The following NID2 variants were observed in gnomAD, a reference collection of about 807,000 sequenced individuals.
NID2 encodes nidogen 2.
NID2 carries 83 observed loss-of-function variants against 145.4 expected under a neutral mutation model. That is an observed-to-expected ratio of 0.57 (90% confidence interval 0.48 to 0.69). NID2 has a LOEUF of 0.69. Among genes scored for constraint, NID2 ranks in the 30% least tolerant of loss-of-function variants. NID2 has a pLI of 0.00. For synonymous variants in NID2, 739 were observed against 701.3 expected, an observed-to-expected ratio of 1.05 and a Z score of -0.85; for missense variants, 1,807 against 1,765.7, an observed-to-expected ratio of 1.02 and a Z score of -0.42.
chr14:52,039,079 G>T, intron 8 of NID2, 102 bp from the exon 9 acceptor site: 1 of 843,298 alleles, frequency 1.2e-6, no homozygotes, highest in Non-Finnish European at 1.8e-6. Flanking sequence ...CTTGGAGTGT[G>T]TTCCCTTGGG....
chr14:52,068,846 T>A lies in NID2; in HGVS notation c.149A>T (p.Glu50Val). 6.2e-7 allele frequency: 1 copy of A among 1,613,346 alleles called. No individual in the cohort carries two copies. The change falls in exon 1 of 22, where the codon GAA (glutamate) becomes GTA (valine). Residue 50 changes from glutamate to valine, a missense_variant. By Grantham distance (121) the Glu-to-Val change is moderately radical. Transcript: ENST00000216286. ...CACGGCTGAGCTTTCGTCGTCGCCT[T>A]CCTGCAGGAGCTGGTCCCCCCACGA... The part of the protein sequence containing the change: ...GESWGDQLLQ[E>V]GDDESSAVVK...
chr14:52,008,202 C>T, intron 18 of NID2: 1 of 395,334 alleles, frequency 2.5e-6, no homozygotes, highest in Non-Finnish European at 4.5e-6. Flanking sequence ...CTTAGGGGCT[C>T]TCTCTTGCTC....
At position 52,029,688 on chromosome 14, in the gene NID2, C is replaced by T. The variant is rs199555647; in HGVS notation, c.2260G>A (p.Asp754Asn). The T allele has an allele frequency of 3.7e-6, 6 of 1,613,564 alleles. No homozygotes were observed. The African/African-American group carries it at 5.3e-5, about 14-fold the overall frequency. ...GGATTCCCCGGAGTGGGGTCTGAAT[C>T]CTCTGCATGAGTAGAGGGGAAATAA... ...VTNQIGPVKE[D>N]SDPTPGNPCY... Residue 754 changes from aspartate (D) to asparagine (N), a missense_variant and splice_region_variant, in exon 10 of 22, where the codon GAT (aspartate) becomes AAT (asparagine). Coordinates refer to ENST00000216286, the MANE Select transcript of NID2 (RefSeq NM_007361.4).
At chr14:52,009,296 TATC>T (rs1270012147) in intron 18 of NID2, 1 of 152,216 alleles carries the variant, frequency 6.6e-6, no homozygotes, top group Non-Finnish European at 1.5e-5. Context: ...AATGATTTAA[TATC>T]ATCAACAACA....
At chr14:52,006,505 T>C in intron 20 of NID2, 32 bp downstream of exon 20, 1 of 1,612,508 alleles carries the variant, frequency 6.2e-7, no homozygotes, top group Non-Finnish European at 8.5e-7. Flanking sequence ...CAGTTGGCCT[T>C]TTCAGGCTTG....
intron 5 of NID2, among the ~76,000 whole-genome samples, chr14:52,048,496 ACC>A (rs1361875532): frequency 6.6e-6 from 1 of 151,838 alleles, no homozygotes; most frequent in East Asian, 1.9e-4. Flanking sequence ...TGTGCAATAA[ACC>A]CACCCGAGGA....
At chr14:52,068,230 G>T in intron 1 of NID2, 67 bp from the exon 2 acceptor site, 1 of 1,461,068 alleles carries the variant, frequency 6.8e-7, no homozygotes, top group Non-Finnish European at 9.5e-7. Flanking sequence ...TTTCGCGCAG[G>T]GAGGGAAGGG....
chr14:52,033,497 G>A (rs777898209), intron 9 of NID2, among the ~76,000 whole-genome samples: 20 of 152,168 alleles, frequency 1.3e-4, no homozygotes, highest in Non-Finnish European at 2.5e-4. Flanking sequence ...AGTCACCGAG[G>A]GACAGAGGCT....
chr14:52,017,524 C>T (rs932632933), intron 14 of NID2, among the ~76,000 whole-genome samples: 2 of 151,850 alleles, frequency 1.3e-5, no homozygotes, highest in African/African-American at 4.8e-5. Flanking sequence ...TGGTTCCCCC[C>T]CCTTTAAAAT....
chr14:52,038,928 G>T lies in NID2; in HGVS notation c.2076C>A (p.Ile692=). Reference sequence around the variant, plus strand: ...GGATGCGGTAGGACCATGTTTGGTTGATTGCACCAAAAGTCAGAGAGTAGT... The same window carrying T: ...GGATGCGGTAGGACCATGTTTGGTTTATTGCACCAAAAGTCAGAGAGTAGT... ...SRDYSLTFGA[I]NQTWSYRIHQ... Residue 692 remains isoleucine, a synonymous_variant, in exon 9 of 22, where the codon ATC becomes ATA. Coordinates refer to ENST00000216286, the MANE Select transcript of NID2 (RefSeq NM_007361.4). 1 of 1,614,048 alleles carries T rather than the reference G, an allele frequency of 6.2e-7. No individual in the cohort carries two copies. The highest frequency in any genetic ancestry group is 1.1e-5 in the South Asian group (1 of 91,014).
intron 3 of NID2, among the ~76,000 whole-genome samples, chr14:52,054,935 A>G (rs1892798710): frequency 6.6e-6 from 1 of 152,252 alleles, no homozygotes; most frequent in Non-Finnish European, 1.5e-5. Flanking sequence ...AAATCTGGCT[A>G]TTTGAAAATA....
At chr14:52,020,217 CTA>C (rs1566748424) in intron 12 of NID2, 39 bp from the exon 13 acceptor site, 5 of 1,610,502 alleles carry the variant, frequency 3.1e-6, no homozygotes, top group East Asian at 2.2e-5. Flanking sequence ...GCAAAGAACA[CTA>C]TGACTTCACT....
At chr14:52,020,328 G>A in intron 12 of NID2, 150 bp from the exon 13 acceptor site, 2 of 1,305,142 alleles carry the variant, frequency 1.5e-6, no homozygotes, top group Non-Finnish European at 2.1e-6. Flanking sequence ...GAAAAATGCT[G>A]ACACCTAAAG....
At chr14:52,011,732 T>G in intron 16 of NID2, 49 bp from the exon 17 acceptor site, 1 of 1,608,608 alleles carries the variant, frequency 6.2e-7, no homozygotes. Flanking sequence ...ACATTTCCCC[T>G]TTGTTCACAC....
chr14:52,011,187 T>C (rs554041923), intron 17 of NID2, 140 bp from the exon 18 acceptor site: 1 of 731,748 alleles, frequency 1.4e-6, no homozygotes, highest in East Asian at 2.7e-5. Context: ...AGAACCAGGT[T>C]AATAGAGAAA....
At chr14:52,022,787 C>T (rs372265819) in intron 12 of NID2, among the ~76,000 whole-genome samples, 2 of 152,220 alleles carry the variant, frequency 1.3e-5, no homozygotes, top group East Asian at 3.8e-4. Flanking sequence ...CCAGCAGGAA[C>T]TGTTGGATGA....
At chr14:52,030,557 A>T (rs1028591999) in intron 9 of NID2, among the ~76,000 whole-genome samples, 1 of 72,136 alleles carries the variant, frequency 1.4e-5, no homozygotes, top group African/African-American at 4.9e-5. Context: ...AGAAAGAAAG[A>T]AAGAAAGAAA....
At chr14:52,028,899 G>A (rs1891696333) in intron 10 of NID2, 49 bp from the exon 11 acceptor site, 1 of 1,596,474 alleles carries the variant, frequency 6.3e-7, no homozygotes, top group African/African-American at 1.3e-5. Flanking sequence ...AAGGGTCCCA[G>A]AAGTGGAGGG....
chr14:52,038,313 G>A lies in NID2; in HGVS notation c.2257+434C>T, dbSNP rs111605925. 8.8e-4 allele frequency among the ~76,000 whole-genome samples: 134 copies of A among 152,276 alleles called. 1 individual carries two copies. Among genetic ancestry groups the A allele is most frequent in the African/African-American group, 2.9e-3 (120 of 41,548 alleles). Reference sequence around the variant, plus strand: ...TCTTTGCTCCACCTTAGTTTTGGATGAAATTCTTCTCATCTGTTTTAGCTA... The same window carrying A: ...TCTTTGCTCCACCTTAGTTTTGGATAAAATTCTTCTCATCTGTTTTAGCTA... On this transcript the variant is annotated intron_variant, in intron 9 of 21. Transcript: ENST00000216286.
Sources: allele counts gnomAD v4.1 joint callset (sites outside exome capture counted in the v4.1 genomes callset), GRCh38; gene constraint gnomAD v4.1.1; transcripts MANE v1.5; gene names NCBI Gene and HGNC (gene_info 2026-07-23, HGNC 2026-07-21).